The following SLC4A10 variants were observed in gnomAD, a reference collection of about 807,000 sequenced individuals.
SLC4A10 encodes the protein sodium-driven chloride bicarbonate exchanger.
In SLC4A10, 42 loss-of-function variants were observed where a neutral mutation model predicts 137.7. That is an observed-to-expected ratio of 0.30 (90% CI 0.24 to 0.39). The LOEUF is 0.39. Among genes scored for constraint, SLC4A10 ranks in the 10% least tolerant of loss-of-function variants. SLC4A10 has a pLI of 1.00. For synonymous variants in SLC4A10, 474 were observed against 464.1 expected, an observed-to-expected ratio of 1.02 and a Z score of -0.27; for missense variants, 925 against 1,355.0, an observed-to-expected ratio of 0.68 and a Z score of 4.98.
rs73003500 is a variant in SLC4A10 at position 161,729,543 on chromosome 2, C to A, written c.49-41430C>A. On this transcript the variant is annotated intron_variant, in intron 1 of 26. Coordinates refer to ENST00000446997, the MANE Select transcript of SLC4A10 (RefSeq NM_001178015.2). ...TTTAAAAAAAATTGTAGGAGAAGAT[C>A]ATACAATTTGTAAGATGCACTATAA... Among the ~76,000 whole-genome samples the A allele has an allele frequency of 6.2e-3, 942 of 151,948 alleles. 9 individuals are homozygous for A. The highest frequency in any genetic ancestry group is 0.022 in the African/African-American group (893 of 41,430).
intron 15 of SLC4A10, among the ~76,000 whole-genome samples, chr2:161,913,748 G>T (rs1686432516): frequency 1.3e-5 from 2 of 152,122 alleles, no homozygotes; most frequent in Non-Finnish European, 2.9e-5. Flanking sequence ...CGAAGTAGAT[G>T]GTGTGATCTC....
chr2:161,900,838 C>G (rs1046411406), intron 11 of SLC4A10, 73 bp from the exon 12 acceptor site: 1 of 1,059,352 alleles, frequency 9.4e-7, no homozygotes, highest in African/African-American at 1.6e-5. Flanking sequence ...GAAAAATGAA[C>G]TGTTATTATT....
At chr2:161,973,162 A>G (rs1353323602) in intron 23 of SLC4A10, among the ~76,000 whole-genome samples, 1 of 152,108 alleles carries the variant, frequency 6.6e-6, no homozygotes, top group Non-Finnish European at 1.5e-5. Context: ...ATCAGTTTCC[A>G]TTTGGGCAGG....
intron 1 of SLC4A10, among the ~76,000 whole-genome samples, chr2:161,744,660 G>A (rs956205895): frequency 1.3e-5 from 2 of 152,094 alleles, no homozygotes; most frequent in Admixed American, 1.3e-4. Context: ...TTCAATGGAT[G>A]ACAACTTAAC....
intron 1 of SLC4A10, among the ~76,000 whole-genome samples, chr2:161,686,398 A>G (rs2041409819): frequency 6.6e-6 from 1 of 152,208 alleles, no homozygotes; most frequent in South Asian, 2.1e-4. Flanking sequence ...AAATATTAAA[A>G]GATTGATTAT....
intron 1 of SLC4A10, among the ~76,000 whole-genome samples, chr2:161,660,912 G>A (rs1299447734): frequency 2.7e-5 from 4 of 150,636 alleles, no homozygotes; most frequent in African/African-American, 7.3e-5. Context: ...CACCTGCCTC[G>A]GCCTCCCAAA....
chr2:161,823,913 C>G (rs1395086808), intron 3 of SLC4A10, among the ~76,000 whole-genome samples: 1 of 152,120 alleles, frequency 6.6e-6, no homozygotes, highest in Non-Finnish European at 1.5e-5. Context: ...TCAAGACTAC[C>G]CTTATCTATA....
intron 21 of SLC4A10, 98 bp downstream of exon 21, chr2:161,958,653 A>G: frequency 1.3e-6 from 1 of 772,808 alleles, no homozygotes; most frequent in Non-Finnish European, 2.1e-6. Flanking sequence ...CCACCTGAGG[A>G]ACAGCTTTTA....
chr2:161,853,762 G>A (rs2059955270), intron 4 of SLC4A10, among the ~76,000 whole-genome samples: 1 of 152,168 alleles, frequency 6.6e-6, no homozygotes, highest in Non-Finnish European at 1.5e-5. Flanking sequence ...TTACCTGATT[G>A]TAAATTTTGG....
rs955265697 is a variant in SLC4A10, at chr2:161,950,747, G to A, written c.2440G>A (p.Val814Ile). 1.9e-6 allele frequency: 3 copies of A among 1,596,566 alleles called. No homozygotes were observed. The highest frequency in any genetic ancestry group is 2.6e-6 in the Non-Finnish European group (3 of 1,170,706). ...TTTAGGTCCAAACCCATGGTGGACA[G>A]TAATAGCTGCTATAATTCCAGCTCT... ...TPLGPNPWWTVIAAIIPALLC... is the reference protein window; with the variant it reads ...TPLGPNPWWTIIAAIIPALLC... Residue 814 changes from valine (V) to isoleucine (I), a missense_variant, in exon 19 of 27, where the codon GTA becomes ATA. Val to Ile is a conservative substitution (Grantham distance 29, BLOSUM62 3). Transcript: ENST00000446997.
At chr2:161,856,620 T>C (rs986359371) in intron 5 of SLC4A10, among the ~76,000 whole-genome samples, 18 of 152,142 alleles carry the variant, frequency 1.2e-4, no homozygotes, top group African/African-American at 3.6e-4. Flanking sequence ...CTAAGAATGC[T>C]GAAATAGTTA....
At chr2:161,943,322 A>G (rs548910792) in intron 16 of SLC4A10, among the ~76,000 whole-genome samples, 39 of 152,216 alleles carry the variant, frequency 2.6e-4, no homozygotes, top group African/African-American at 8.9e-4. Context: ...TGTCAATACT[A>G]AAGTCTTTGG....
chr2:161,882,291 A>T, intron 9 of SLC4A10, 66 bp from the exon 10 acceptor site: 1 of 924,778 alleles, frequency 1.1e-6, no homozygotes, highest in Non-Finnish European at 1.6e-6. Flanking sequence ...GAGATGAGTG[A>T]TTCTGTATTA....
At chr2:161,934,270 C>G (rs1691162429) in intron 15 of SLC4A10, among the ~76,000 whole-genome samples, 1 of 152,136 alleles carries the variant, frequency 6.6e-6, no homozygotes, top group Admixed American at 6.6e-5. Context: ...TTCTACCTAA[C>G]TATATTTTTG....
At chr2:161,900,876 C>A in intron 11 of SLC4A10, 35 bp from the exon 12 acceptor site, 1 of 1,205,058 alleles carries the variant, frequency 8.3e-7, no homozygotes, top group Non-Finnish European at 1.1e-6. Flanking sequence ...GAAATTAAAA[C>A]AAAACAAAAC....
At position 161,964,155 on chromosome 2, in the gene SLC4A10, C is replaced by A; in HGVS notation, c.2883C>A (p.Leu961=). The A allele has an allele frequency of 1.2e-6, 2 of 1,610,446 alleles. No individual in the cohort carries two copies. The highest frequency in any genetic ancestry group is 8.5e-7 in the Non-Finnish European group (1 of 1,177,986). The change falls in exon 22 of 27, where the codon CTC becomes CTA. Residue 961 remains leucine (L), a synonymous_variant. Coordinates refer to ENST00000446997, the MANE Select transcript of SLC4A10 (RefSeq NM_001178015.2). The stretch of plus-strand genomic sequence containing the variant: ...TTTAGTTCTTTGATAGGATAAAGCT[C>A]TTCTGGATGCCGGCAAAACATCAAC... The part of the protein sequence containing the change: ...KGIQFFDRIK[L]FWMPAKHQPD...
At chr2:161,823,244 A>G (rs2057765447) in intron 3 of SLC4A10, among the ~76,000 whole-genome samples, 1 of 152,248 alleles carries the variant, frequency 6.6e-6, no homozygotes, top group African/African-American at 2.4e-5. Flanking sequence ...AGAGAAATGT[A>G]AACAAGTGCA....
At chr2:161,625,323 ATC>A (rs2032093575) in intron 1 of SLC4A10, among the ~76,000 whole-genome samples, 1 of 151,582 alleles carries the variant, frequency 6.6e-6, no homozygotes, top group Non-Finnish European at 1.5e-5. Flanking sequence ...CCTCTCCACA[ATC>A]TCTCTGTCTG....
chr2:161,770,899 A>G, intron 1 of SLC4A10, 74 bp from the exon 2 acceptor site: 1 of 1,014,604 alleles, frequency 9.9e-7, no homozygotes. Context: ...ATATTAAATT[A>G]TATCAAGGTT....
Sources: gnomAD v4.1 joint callset for allele counts (sites outside exome capture counted in the v4.1 genomes callset) on GRCh38, gnomAD v4.1.1 for gene constraint, MANE v1.5 for transcripts, NCBI Gene and HGNC (gene_info 2026-07-23, HGNC 2026-07-21) for gene names.